MX2: variants seen among roughly 807,000 people sequenced by gnomAD.
MX2 encodes MX dynamin like GTPase 2.
In MX2, 51 loss-of-function variants were observed where a neutral mutation model predicts 74.0. That is an observed-to-expected ratio of 0.69 (90% CI 0.55 to 0.87). MX2 has a LOEUF of 0.87. MX2 is among the 40% of genes least tolerant of loss of function. The pLI is 0.00. For synonymous variants in MX2, 369 were observed against 339.3 expected (o/e 1.09, Z -0.96); for missense variants, 832 against 908.7 (o/e 0.92, Z 1.09).
chr21:41,404,915 GAACA>G (rs950318589), intron 12 of MX2: 7 of 126,172 alleles, frequency 5.5e-5, no homozygotes, highest in African/African-American at 1.2e-4. Flanking sequence ...AAAAGAGAAA[GAACA>G]AACAAACCAG....
rs1490536744 is a variant in MX2 at position 41,402,149 on chromosome 21, C to G, written c.1573+21C>G. On this transcript the variant is annotated intron_variant, in intron 11 of 13. Transcript: ENST00000330714. The surrounding 1 kb of genome is among the most constrained non-coding windows in gnomAD (Gnocchi z 4.5). Reference sequence around the variant, plus strand: ...CATGGGTGAGGACTTTCAAGCAGGACTCCCAAACCATCACTCTCATACCTT... The same window carrying G: ...CATGGGTGAGGACTTTCAAGCAGGAGTCCCAAACCATCACTCTCATACCTT... The G allele has an allele frequency of 6.2e-7, 1 of 1,606,112 alleles. No individual in the cohort carries two copies. The highest frequency in any genetic ancestry group is 8.5e-7 in the Non-Finnish European group (1 of 1,176,582).
At chr21:41,376,466 A>T (rs2089403337) in intron 1 of MX2, among the ~76,000 whole-genome samples, 1 of 152,146 alleles carries the variant, frequency 6.6e-6, no homozygotes, top group African/African-American at 2.4e-5. Context: ...GGACTGCTTG[A>T]GTCCAGGGAG....
At chr21:41,365,473 A>T (rs1234140645) in intron 1 of MX2, 1 of 152,144 alleles carries the variant, frequency 6.6e-6, no homozygotes, top group Non-Finnish European at 1.5e-5. Flanking sequence ...AATTGAGAAC[A>T]TGTGGTATTT....
rs989583815 is a variant in MX2, at chr21:41,408,823, G to C, written c.*590G>C. 1 of 152,346 alleles carries C rather than the reference G, an allele frequency of 6.6e-6. No homozygotes were observed. Among genetic ancestry groups the C allele is most frequent in the African/African-American group, 2.4e-5 (1 of 41,442 alleles). 9.4% of individuals were successfully genotyped at this position (152,346 alleles called of 1,614,324 possible). On this transcript the variant is annotated 3_prime_UTR_variant, in exon 14 of 14. Transcript: ENST00000330714. ...TGTTTCCCAGCCTCTCCACTCCCCCGCCAGAAAGGAGCCTGAGTGATTCTC... is the reference window on the plus strand; with the variant it reads ...TGTTTCCCAGCCTCTCCACTCCCCCCCCAGAAAGGAGCCTGAGTGATTCTC...
intron 1 of MX2, among the ~76,000 whole-genome samples, chr21:41,371,936 T>A (rs567381356): frequency 2.6e-5 from 4 of 151,536 alleles, no homozygotes; most frequent in South Asian, 4.2e-4. Flanking sequence ...AGATGGAGGG[T>A]TTTTTATAGT....
intron 10 of MX2, among the ~76,000 whole-genome samples, chr21:41,400,084 T>C (rs1301993027): frequency 3.3e-5 from 5 of 152,198 alleles, no homozygotes; most frequent in Non-Finnish European, 1.5e-5. Context: ...GTGCCTGTTG[T>C]GGACACACCA....
intron 5 of MX2, among the ~76,000 whole-genome samples, chr21:41,387,089 C>T (rs9305740): frequency 0.09 from 13,648 of 152,254 alleles, 802 homozygotes; most frequent in South Asian, 0.21. Flanking sequence ...TGGAGTCCCA[C>T]CACGCTTTCC....
At chr21:41,394,232 G>A (rs1356771168) in intron 6 of MX2, among the ~76,000 whole-genome samples, 1 of 151,956 alleles carries the variant, frequency 6.6e-6, no homozygotes, top group Non-Finnish European at 1.5e-5. Context: ...TATCTAGAAA[G>A]CAGAGCCCCA....
chr21:41,377,676 C>T, intron 2 of MX2, 113 bp from the exon 3 acceptor site: 1 of 1,158,976 alleles, frequency 8.6e-7, no homozygotes, highest in Admixed American at 2.3e-5. Flanking sequence ...CTTCTCACCT[C>T]CTGTCTGCAA....
intron 13 of MX2, among the ~76,000 whole-genome samples, chr21:41,407,201 T>G (rs534979115): frequency 6.6e-6 from 1 of 152,330 alleles, no homozygotes; most frequent in African/African-American, 2.4e-5. Context: ...TTTAATTAAT[T>G]TGCCCACAAT....
Position 41,399,011 on chromosome 21 carries a change from C to G in MX2, c.1264C>G (p.Leu422Val). The G allele has an allele frequency of 2.5e-6, 4 of 1,613,230 alleles. No individual in the cohort carries two copies. The highest frequency in any genetic ancestry group is 2.5e-6 in the Non-Finnish European group (3 of 1,179,312). Residue 422 changes from leucine (L) to valine (V), a missense_variant, in exon 9 of 14, where the codon CTA (leucine) becomes GTA (valine). By Grantham distance (32) the Leu-to-Val change is conservative. Coordinates refer to ENST00000330714, the MANE Select transcript of MX2 (RefSeq NM_002463.2). The stretch of plus-strand genomic sequence containing the variant: ...CCAGGAGGCCGACAAGATGTTCTTT[C>G]TAATTGAGGTGAGGATTTCCGCAGG... ...PSQEADKMFFLIEKIKMFNQD... is the reference protein window; with the variant it reads ...PSQEADKMFFVIEKIKMFNQD...
intron 7 of MX2, 62 bp downstream of exon 7, chr21:41,395,847 T>C (rs2089727498): frequency 1.3e-6 from 2 of 1,558,422 alleles, no homozygotes; most frequent in East Asian, 2.3e-5. Context: ...TCTGCAAGAG[T>C]TGGCCCAGAT....
chr21:41,398,936 C>T lies in MX2; in HGVS notation c.1189C>T (p.His397Tyr). Residue 397 changes from histidine (H) to tyrosine (Y), a missense_variant, in exon 9 of 14, where the codon CAC becomes TAC. Physicochemically the swap from His to Tyr is moderately conservative, Grantham distance 83 (BLOSUM62 2). Transcript: ENST00000330714. ...PLLEGQIRES[H>Y]QKATEELRRC... Reference sequence around the variant, plus strand: ...GTTAGAAGGACAAATAAGGGAGAGCCACCAGAAGGCGACCGAGGAGCTGCG... The same window carrying T: ...GTTAGAAGGACAAATAAGGGAGAGCTACCAGAAGGCGACCGAGGAGCTGCG... 6.2e-7 allele frequency: 1 copy of T among 1,613,860 alleles called. No homozygotes were observed. Among genetic ancestry groups the T allele is most frequent in the East Asian group, 2.2e-5 (1 of 44,866 alleles).
At chr21:41,390,806 A>C (rs138252637) in intron 6 of MX2, 103 bp downstream of exon 6, 30,208 of 1,308,270 alleles carry the variant, frequency 0.023, 1,001 homozygotes, top group East Asian at 0.17. Flanking sequence ...GAGATTGAGA[A>C]CATCCTGGCT....
At chr21:41,381,578 A>G (rs553571526) in intron 4 of MX2, among the ~76,000 whole-genome samples, 1 of 149,890 alleles carries the variant, frequency 6.7e-6, no homozygotes, top group South Asian at 2.2e-4. Context: ...CCAGCTACTT[A>G]GGAGGCTGAG....
At chr21:41,389,547 T>C (rs1423851474) in intron 5 of MX2, 1 of 152,114 alleles carries the variant, frequency 6.6e-6, no homozygotes, top group Non-Finnish European at 1.5e-5. Context: ...CATACATACA[T>C]ACGTACATAC....
intron 1 of MX2, among the ~76,000 whole-genome samples, chr21:41,376,507 A>G (rs541965930): frequency 1.2e-4 from 19 of 152,114 alleles, no homozygotes; most frequent in Non-Finnish European, 2.4e-4. Flanking sequence ...TGATTGCACC[A>G]CTACACTCCC....
chr21:41,408,360 C>G lies in MX2; in HGVS notation c.*127C>G. ...ACTATCAGTGTCCATCTCTACTGTA[C>G]TCCCTCAGCATCAGAGCATGCATCA... On this transcript the variant is annotated 3_prime_UTR_variant, in exon 14 of 14. Coordinates refer to ENST00000330714, the MANE Select transcript of MX2 (RefSeq NM_002463.2). 7.7e-7 allele frequency: 1 copy of G among 1,292,934 alleles called. No homozygotes were observed. The allele number at this position is 1,292,934 out of a possible 1,614,324, so 80.1% of individuals were successfully genotyped here.
In MX2 at chr21:41,368,028, C is replaced by G. The variant is rs1387310543; in HGVS notation, c.-72+5973C>G. 6.6e-6 allele frequency among the ~76,000 whole-genome samples: 1 copy of G among 152,212 alleles called. No homozygotes were observed. Among genetic ancestry groups the G allele is most frequent in the Non-Finnish European group, 1.5e-5 (1 of 68,044 alleles). On this transcript the variant is annotated intron_variant, in intron 1 of 13. Transcript: ENST00000330714. The surrounding 1 kb of genome is among the most constrained non-coding windows in gnomAD (Gnocchi z 4.6). ...CAGTTCCCCTCTCTCAAGACCTGCA[C>G]TTTCTCTTCAAGTCAAGGTCCACAG...
Sources: allele counts gnomAD v4.1 joint callset (sites outside exome capture counted in the v4.1 genomes callset), GRCh38; gene constraint gnomAD v4.1.1; non-coding constraint Gnocchi (gnomAD v3.1); transcripts MANE v1.5; gene names NCBI Gene and HGNC (gene_info 2026-07-23, HGNC 2026-07-21).